LUZP2: variants seen among roughly 807,000 people sequenced by gnomAD.
LUZP2 encodes leucine zipper protein 2.
Under a neutral mutation model 51.6 loss-of-function variants are expected in LUZP2, and 52 were observed. The ratio of observed to expected loss-of-function variants is 1.01; its 90% CI spans 0.81 to 1.27. LUZP2 has a LOEUF of 1.27. Among genes scored for constraint, LUZP2 ranks in the 50% most tolerant of loss-of-function variants. The pLI is 0.00. For missense variants in LUZP2, 436 were observed against 395.4 expected, an observed-to-expected ratio of 1.10 and a Z score of -0.87; for synonymous variants, 154 against 137.3, an observed-to-expected ratio of 1.12 and a Z score of -0.85.
intron 1 of LUZP2, among the ~76,000 whole-genome samples, chr11:24,559,110 C>T (rs1851957335): frequency 6.6e-6 from 1 of 152,050 alleles, no homozygotes; most frequent in Admixed American, 6.6e-5. Flanking sequence ...TACATTTGAC[C>T]ACTATTCACA....
intron 8 of LUZP2, among the ~76,000 whole-genome samples, chr11:24,977,860 G>T (rs7931979): frequency 6.7e-6 from 1 of 149,978 alleles, no homozygotes; most frequent in Admixed American, 6.6e-5. Flanking sequence ...TATTTATTAT[G>T]TTTCTCTCTA....
intron 5 of LUZP2, among the ~76,000 whole-genome samples, chr11:24,826,971 C>A (rs1371196598): frequency 6.6e-6 from 1 of 151,780 alleles, no homozygotes; most frequent in Non-Finnish European, 1.5e-5. Flanking sequence ...ACATAAAAAA[C>A]CTATCAACAT....
intron 5 of LUZP2, among the ~76,000 whole-genome samples, chr11:24,810,371 C>T (rs556081789): frequency 2.6e-5 from 4 of 152,208 alleles, no homozygotes; most frequent in African/African-American, 9.6e-5. Context: ...TTACATATGG[C>T]TCAACCTAAT....
intron 1 of LUZP2, among the ~76,000 whole-genome samples, chr11:24,578,060 A>G (rs954365398): frequency 1.3e-5 from 2 of 152,112 alleles, no homozygotes; most frequent in East Asian, 1.9e-4. Flanking sequence ...CTTTCATACA[A>G]TGTTTTCTTT....
chr11:25,077,205 T>G (rs1247608308), intron 10 of LUZP2, 124 bp from the exon 11 acceptor site: 1 of 770,180 alleles, frequency 1.3e-6, no homozygotes, highest in Non-Finnish European at 2.3e-6. Context: ...GCTTTTGCCC[T>G]TTCAGTATGG....
intron 9 of LUZP2, among the ~76,000 whole-genome samples, chr11:25,006,095 T>G (rs1289134316): frequency 8.7e-6 from 1 of 114,750 alleles, no homozygotes; most frequent in Non-Finnish European, 2.0e-5. Context: ...AAATTCCAGA[T>G]AGTCCCCCCT....
chr11:24,792,084 A>G (rs1443206389), intron 5 of LUZP2, among the ~76,000 whole-genome samples: 1 of 152,026 alleles, frequency 6.6e-6, no homozygotes, highest in Non-Finnish European at 1.5e-5. Flanking sequence ...GTATAGAGAA[A>G]TGCATTTAGC....
intron 1 of LUZP2, among the ~76,000 whole-genome samples, chr11:24,520,685 C>T (rs1339207918): frequency 6.6e-6 from 1 of 152,172 alleles, no homozygotes; most frequent in Non-Finnish European, 1.5e-5. Flanking sequence ...TATACAGGAA[C>T]CAATACCAGA....
At chr11:25,026,098 C>G (rs1051396077) in intron 9 of LUZP2, among the ~76,000 whole-genome samples, 5 of 141,962 alleles carry the variant, frequency 3.5e-5, no homozygotes, top group Admixed American at 7.9e-5. Flanking sequence ...AGAATGAGAA[C>G]ACTTGGACAC....
intron 9 of LUZP2, among the ~76,000 whole-genome samples, chr11:25,045,454 A>C (rs1190112996): frequency 1.3e-5 from 2 of 151,956 alleles, no homozygotes; most frequent in African/African-American, 4.8e-5. Flanking sequence ...TTAATAGTGA[A>C]TGAAGCCCCT....
At chr11:25,052,809 A>G (rs35926107) in intron 10 of LUZP2, among the ~76,000 whole-genome samples, 55,735 of 151,710 alleles carry the variant, frequency 0.37, 12,929 homozygotes, top group Non-Finnish European at 0.51. Context: ...CTACCTTTAT[A>G]TTTTGTCTAT....
intron 1 of LUZP2, among the ~76,000 whole-genome samples, chr11:24,680,892 G>A (rs137886815): frequency 4.0e-4 from 61 of 152,022 alleles, no homozygotes; most frequent in African/African-American, 1.5e-3. Context: ...CTCAAACTTT[G>A]GACTGCTGTA....
At chr11:24,584,196 T>C (rs1044195595) in intron 1 of LUZP2, among the ~76,000 whole-genome samples, 5 of 152,178 alleles carry the variant, frequency 3.3e-5, no homozygotes, top group African/African-American at 7.2e-5. Flanking sequence ...TGGACTTGTA[T>C]GGACAGACCA....
At position 24,538,643 on chromosome 11, in the gene LUZP2, G is replaced by GA. The variant is rs1554950919; in HGVS notation, c.62+41338_62+41339insA. On this transcript the variant is annotated intron_variant, in intron 1 of 11. Transcript: ENST00000336930. The stretch of plus-strand genomic sequence containing the variant: ...CACACATATATATGTGTATTTATGT[G>GA]TTTTTTATATGTGTGTGTGTGTGTG... 2.7e-5 allele frequency among the ~76,000 whole-genome samples: 3 copies of GA among 109,300 alleles called. No individual in the cohort carries two copies. In the Admixed American group the frequency reaches 3.2e-4, roughly 12 times the overall value. 71.7% of individuals were successfully genotyped at this position (109,300 alleles called of 152,430 possible).
At chr11:24,538,633 G>A (rs1295682576) in intron 1 of LUZP2, among the ~76,000 whole-genome samples, 3 of 137,840 alleles carry the variant, frequency 2.2e-5, no homozygotes, top group Non-Finnish European at 4.7e-5. Context: ...ATATATATGT[G>A]TATTTATGTG....
rs114530115 is a variant in LUZP2 at position 24,885,560 on chromosome 11, A to G, written c.397-20431A>G. On this transcript the variant is annotated intron_variant, in intron 5 of 11. Coordinates refer to ENST00000336930, the MANE Select transcript of LUZP2 (RefSeq NM_001009909.4). ...CCTACTATTTGGAAAGTGATATTGT[A>G]TGGGTGAGATGAGGCTAATTAACAC... Among the ~76,000 whole-genome samples the G allele has an allele frequency of 4.3e-3, 659 of 152,272 alleles. 7 individuals are homozygous for G. Among genetic ancestry groups the G allele is most frequent in the African/African-American group, 0.015 (627 of 41,582 alleles).
chr11:24,630,432 T>G (rs367842580), intron 1 of LUZP2, among the ~76,000 whole-genome samples: 5 of 152,172 alleles, frequency 3.3e-5, no homozygotes, highest in African/African-American at 9.6e-5. Flanking sequence ...CTAGCACCAT[T>G]TATTACAAAG....
At chr11:24,651,084 C>G (rs1284024563) in intron 1 of LUZP2, among the ~76,000 whole-genome samples, 3 of 151,942 alleles carry the variant, frequency 2.0e-5, no homozygotes, top group African/African-American at 7.2e-5. Context: ...TTTTCCTTTC[C>G]TGTTCTGCTT....
At chr11:24,973,537 G>T (rs536361212) in intron 7 of LUZP2, among the ~76,000 whole-genome samples, 1 of 151,862 alleles carries the variant, frequency 6.6e-6, no homozygotes, top group East Asian at 1.9e-4. Context: ...TTGTCACGTT[G>T]TTAATCTGAG....
Sources: gnomAD v4.1 joint callset for allele counts (sites outside exome capture counted in the v4.1 genomes callset) on GRCh38, gnomAD v4.1.1 for gene constraint, MANE v1.5 for transcripts, NCBI Gene and HGNC (gene_info 2026-07-23, HGNC 2026-07-21) for gene names.